Variants in CAMK1D observed in about 807,000 individuals in gnomAD.
The protein encoded by CAMK1D is calcium/calmodulin dependent protein kinase ID, also known as calcium/calmodulin-dependent protein kinase type 1D.
CAMK1D carries 9 observed loss-of-function variants against 47.7 expected under a neutral mutation model. That is an observed-to-expected ratio of 0.19 (90% CI 0.11 to 0.33). CAMK1D has a LOEUF of 0.33. Ranked by LOEUF, CAMK1D falls within the 10% of genes least tolerant of loss-of-function variation. The pLI is 1.00. For synonymous variants in CAMK1D, 184 were observed against 184.9 expected, an observed-to-expected ratio of 0.99 and a Z score of 0.04; for missense variants, 291 against 488.7, an observed-to-expected ratio of 0.60 and a Z score of 3.81.
chr10:12,784,228 TCA>T (rs1837620886), intron 5 of CAMK1D, among the ~76,000 whole-genome samples: 3 of 151,000 alleles, frequency 2.0e-5, no homozygotes, highest in Non-Finnish European at 4.4e-5. Context: ...AGATGGAGTT[TCA>T]CTCTTGTTGT....
In CAMK1D at chr10:12,833,724, G is replaced by A. The variant is rs931576095; in HGVS notation, c.*4837G>A. The A allele has an allele frequency of 6.6e-6, 1 of 152,172 alleles. No homozygotes were observed. Among genetic ancestry groups the A allele is most frequent in the Non-Finnish European group, 1.5e-5 (1 of 68,036 alleles). 9.4% of individuals were successfully genotyped at this position (152,172 alleles called of 1,614,324 possible). On this transcript the variant is annotated 3_prime_UTR_variant, in exon 11 of 11. Transcript: ENST00000619168. ...CTCCTCCCGTTTTTCATAAACAGAA[G>A]TAAGATGTCCTCTTTCCCAGGTTTG...
chr10:12,355,454 G>C (rs776771909), intron 1 of CAMK1D, among the ~76,000 whole-genome samples: 1 of 152,072 alleles, frequency 6.6e-6, no homozygotes, highest in Non-Finnish European at 1.5e-5. Context: ...ATATGTGTTT[G>C]TGTGTGCGTG....
intron 3 of CAMK1D, among the ~76,000 whole-genome samples, chr10:12,668,316 G>A (rs1377784425): frequency 1.3e-5 from 2 of 152,214 alleles, no homozygotes; most frequent in Non-Finnish European, 2.9e-5. Flanking sequence ...AATGTTAGCT[G>A]TGTATTTAAA....
At chr10:12,363,735 C>T (rs1837753449) in intron 1 of CAMK1D, among the ~76,000 whole-genome samples, 2 of 142,934 alleles carry the variant, frequency 1.4e-5, no homozygotes. Flanking sequence ...GTGGCACGAT[C>T]TCCGCTCACT....
intron 1 of CAMK1D, among the ~76,000 whole-genome samples, chr10:12,471,998 G>A (rs1187444439): frequency 1.4e-5 from 2 of 147,398 alleles, no homozygotes; most frequent in African/African-American, 5.1e-5. Flanking sequence ...TTGCACCATT[G>A]CACTCCTGCC....
At chr10:12,681,996 G>C (rs1190576060) in intron 3 of CAMK1D, among the ~76,000 whole-genome samples, 23 of 152,240 alleles carry the variant, frequency 1.5e-4, no homozygotes, top group Admixed American at 1.4e-3. Flanking sequence ...CAGGTGGGCA[G>C]ATCACGAGGT....
chr10:12,479,685 C>T (rs899415818), intron 1 of CAMK1D, among the ~76,000 whole-genome samples: 2 of 152,142 alleles, frequency 1.3e-5, no homozygotes, highest in Admixed American at 6.6e-5. Flanking sequence ...CTCAGGAGCC[C>T]GCAGCAGAGG....
At chr10:12,507,480 A>C (rs762772166) in intron 1 of CAMK1D, among the ~76,000 whole-genome samples, 46 of 152,204 alleles carry the variant, frequency 3.0e-4, no homozygotes, top group Non-Finnish European at 6.3e-4. Context: ...TTCTGCTAGA[A>C]TAATTTCCCT....
intron 3 of CAMK1D, among the ~76,000 whole-genome samples, chr10:12,681,214 C>T (rs569097912): frequency 2.6e-5 from 4 of 152,366 alleles, no homozygotes; most frequent in South Asian, 4.1e-4. Context: ...TCATCCTGAT[C>T]GCCACCACTC....
intron 1 of CAMK1D, among the ~76,000 whole-genome samples, chr10:12,464,563 C>G (rs1018909594): frequency 1.3e-5 from 2 of 152,184 alleles, no homozygotes; most frequent in Non-Finnish European, 2.9e-5. Flanking sequence ...TGCCTGTAAT[C>G]CCAGTACTTT....
chr10:12,827,326 C>CTTTCTTTCTT (rs1564593755), intron 10 of CAMK1D, among the ~76,000 whole-genome samples: 2 of 13,600 alleles, frequency 1.5e-4, no homozygotes, highest in Non-Finnish European at 3.5e-4. Context: ...CTTTCTTTCT[C>CTTTCTTTCTT]TCTCTTCTCT....
At chr10:12,420,159 C>T (rs1445572049) in intron 1 of CAMK1D, among the ~76,000 whole-genome samples, 1 of 152,172 alleles carries the variant, frequency 6.6e-6, no homozygotes, top group Non-Finnish European at 1.5e-5. Flanking sequence ...AGGGTTTCAT[C>T]TTGTTGACCA....
At chr10:12,734,494 A>G (rs967413936) in intron 3 of CAMK1D, among the ~76,000 whole-genome samples, 25 of 142,638 alleles carry the variant, frequency 1.8e-4, no homozygotes, top group African/African-American at 6.4e-4. Context: ...ACATATGTAT[A>G]TATATACACA....
chr10:12,397,571 G>T (rs144413414), intron 1 of CAMK1D, among the ~76,000 whole-genome samples: 299 of 152,278 alleles, frequency 2.0e-3, no homozygotes, highest in Non-Finnish European at 3.5e-3. Flanking sequence ...CCGCTGTGCC[G>T]TCCTTGAGGG....
rs542349250 is a variant in CAMK1D at position 12,772,504 on chromosome 10, G to A, written c.565+2705G>A. Among the ~76,000 whole-genome samples the A allele has an allele frequency of 2.0e-5, 3 of 152,264 alleles. No homozygotes were observed. The East Asian group carries it at 5.8e-4, about 29-fold the overall frequency. On this transcript the variant is annotated intron_variant, in intron 5 of 10. Transcript: ENST00000619168. ...CATCACGTGCTTCTCATGTTTGGCT[G>A]GAAAGCTCCAGCACTTTCTAAATTG...
intron 6 of CAMK1D, among the ~76,000 whole-genome samples, chr10:12,794,059 C>T (rs780213886): frequency 4.6e-5 from 7 of 152,300 alleles, no homozygotes; most frequent in East Asian, 1.9e-4. Context: ...ATCCCAGCCA[C>T]TCTGAAGAAA....
At chr10:12,449,962 T>C (rs566965300) in intron 1 of CAMK1D, among the ~76,000 whole-genome samples, 10 of 152,174 alleles carry the variant, frequency 6.6e-5, no homozygotes, top group Admixed American at 1.3e-4. Flanking sequence ...TACACCACTG[T>C]ACTCCAGCCT....
chr10:12,730,722 G>A (rs765316727), intron 3 of CAMK1D, among the ~76,000 whole-genome samples: 1 of 152,180 alleles, frequency 6.6e-6, no homozygotes, highest in Non-Finnish European at 1.5e-5. Flanking sequence ...CGGTACCTTG[G>A]AAGGTAAGTC....
At position 12,384,974 on chromosome 10, in the gene CAMK1D, C is replaced by T. The variant is rs74480283; in HGVS notation, c.92+35064C>T. ...AAAACGGGCCAAGGATATGAATAGG[C>T]ATTTCTCCAAAGAAGGTACATGAAA... On this transcript the variant is annotated intron_variant, in intron 1 of 10. Transcript: ENST00000619168. Among the ~76,000 whole-genome samples, 23 of 152,244 alleles carry T rather than the reference C, an allele frequency of 1.5e-4. No homozygotes were observed. The East Asian group carries it at 4.4e-3, about 29-fold the overall frequency.
Sources: allele counts gnomAD v4.1 joint callset (sites outside exome capture counted in the v4.1 genomes callset), GRCh38; gene constraint gnomAD v4.1.1; transcripts MANE v1.5; gene names NCBI Gene and HGNC (gene_info 2026-07-23, HGNC 2026-07-21).